Variants in TMEM71 observed in about 807,000 individuals in gnomAD.
TMEM71 encodes the protein transmembrane protein 71.
A neutral mutation model predicts 38.0 loss-of-function variants in TMEM71; 44 were observed. That is an observed-to-expected ratio of 1.16 (90% CI 0.91 to 1.49). TMEM71 has a LOEUF of 1.49. Ranked by LOEUF, TMEM71 falls within the 40% of genes most tolerant of loss-of-function variation. TMEM71 has a pLI of 0.00. For missense variants in TMEM71, 367 were observed against 348.6 expected, an observed-to-expected ratio of 1.05 and a Z score of -0.42; for synonymous variants, 133 against 122.5, an observed-to-expected ratio of 1.09 and a Z score of -0.56.
intron 3 of TMEM71, among the ~76,000 whole-genome samples, chr8:132,752,904 T>C (rs1370450584): frequency 3.3e-5 from 5 of 151,450 alleles, no homozygotes; most frequent in African/African-American, 9.7e-5. Context: ...CATGGCCCTA[T>C]AATTGAAAGG....
the TMEM71 span, among the ~76,000 whole-genome samples, chr8:132,766,972 C>T: frequency 6.6e-6 from 1 of 152,112 alleles, no homozygotes; most frequent in Non-Finnish European, 1.5e-5. Context: ...ACATTCAATA[C>T]CAGAACAGAG....
chr8:132,748,904 T>C (rs957088818), intron 4 of TMEM71, among the ~76,000 whole-genome samples: 1 of 152,198 alleles, frequency 6.6e-6, no homozygotes, highest in Non-Finnish European at 1.5e-5. Flanking sequence ...TTGGGAAAAT[T>C]ACTCAACCTC....
intron 5 of TMEM71, among the ~76,000 whole-genome samples, chr8:132,737,254 G>A (rs1189081173): frequency 6.6e-6 from 1 of 152,134 alleles, no homozygotes; most frequent in African/African-American, 2.4e-5. Flanking sequence ...TTTAAGGAAC[G>A]TGGATTATAT....
chr8:132,745,161 C>A (rs940291202), intron 5 of TMEM71, among the ~76,000 whole-genome samples: 5 of 152,052 alleles, frequency 3.3e-5, no homozygotes, highest in Non-Finnish European at 7.4e-5. Flanking sequence ...GCAACAAAAA[C>A]AAAAATTGAC....
At chr8:132,775,977 A>C in the TMEM71 span, among the ~76,000 whole-genome samples, 4 of 152,026 alleles carry the variant, frequency 2.6e-5, no homozygotes, top group African/African-American at 9.6e-5. Context: ...CCATTGCTTT[A>C]CATTGTCGGT....
At chr8:132,714,841 T>A (rs1826416435) in intron 7 of TMEM71, among the ~76,000 whole-genome samples, 1 of 152,120 alleles carries the variant, frequency 6.6e-6, no homozygotes. Flanking sequence ...CCATAATATA[T>A]AAAGAACTCT....
intron 7 of TMEM71, among the ~76,000 whole-genome samples, chr8:132,719,152 G>A (rs142507483): frequency 2.2e-3 from 337 of 152,244 alleles, no homozygotes; most frequent in African/African-American, 7.9e-3. Flanking sequence ...TATTTCCCGC[G>A]CCCTTTAAGG....
At chr8:132,758,816 G>A (rs763123047) in intron 2 of TMEM71, 24 bp downstream of exon 2, 44 of 1,605,282 alleles carry the variant, frequency 2.7e-5, no homozygotes, top group Non-Finnish European at 3.4e-5. Flanking sequence ...AGATAATTGC[G>A]TATCACAGTT....
At chr8:132,763,284 A>T (rs926685414), upstream of TMEM71, among the ~76,000 whole-genome samples, 21 of 152,234 alleles carry the variant, frequency 1.4e-4, no homozygotes, top group African/African-American at 4.3e-4. Flanking sequence ...GAACATGAGC[A>T]TTAAAAGAGC....
intron 5 of TMEM71, among the ~76,000 whole-genome samples, chr8:132,736,427 G>A (rs1827748746): frequency 6.6e-6 from 1 of 152,102 alleles, no homozygotes; most frequent in Admixed American, 6.5e-5. Flanking sequence ...ATGGGGAGAT[G>A]TTGGTCAAAG....
upstream of TMEM71, chr8:132,760,786 G>C (rs1829277019): frequency 6.6e-6 from 1 of 152,212 alleles, no homozygotes; most frequent in South Asian, 2.1e-4. Context: ...TGTCAGGCCA[G>C]CTGGTTACAC....
rs1165184444 is a variant in TMEM71, at chr8:132,729,169, T to C, written c.488-1183A>G. Among the ~76,000 whole-genome samples the C allele has an allele frequency of 3.9e-5, 6 of 152,308 alleles. No individual in the cohort carries two copies. The South Asian group carries it at 6.2e-4, about 16-fold the overall frequency. ...AACACTTGGTGTCTTCAATGTGAGG[T>C]CACCAAGGAATGAATTTTAATCCTT... On this transcript the variant is annotated intron_variant, in intron 5 of 9. Transcript: ENST00000677595.
intron 5 of TMEM71, 29 bp from the exon 6 acceptor site, chr8:132,728,015 T>A (rs754262934): frequency 2.8e-5 from 3 of 105,758 alleles, no homozygotes; most frequent in South Asian, 3.1e-4. Flanking sequence ...TCAGTGTGAG[T>A]GTGTGTGTGT....
intron 4 of TMEM71, among the ~76,000 whole-genome samples, chr8:132,749,133 A>C (rs1168431507): frequency 6.6e-6 from 1 of 152,220 alleles, no homozygotes; most frequent in African/African-American, 2.4e-5. Context: ...AAATGGAGTA[A>C]GACTTTCCTG....
At chr8:132,719,684 A>T (rs1388440059) in intron 7 of TMEM71, among the ~76,000 whole-genome samples, 1 of 152,232 alleles carries the variant, frequency 6.6e-6, no homozygotes, top group South Asian at 2.1e-4. Context: ...TTTTAATTCA[A>T]ATAAACATTA....
At chr8:132,729,585 T>C (rs1045317924) in intron 5 of TMEM71, among the ~76,000 whole-genome samples, 17 of 152,288 alleles carry the variant, frequency 1.1e-4, no homozygotes, top group African/African-American at 3.9e-4. Context: ...TACTTTTCTT[T>C]ATAGCTGAGC....
chr8:132,749,230 A>G (rs1019981207), intron 4 of TMEM71, among the ~76,000 whole-genome samples: 1 of 152,240 alleles, frequency 6.6e-6, no homozygotes, highest in Non-Finnish European at 1.5e-5. Flanking sequence ...TCCAGGAGGC[A>G]TCAGAATCAA....
intron 5 of TMEM71, among the ~76,000 whole-genome samples, chr8:132,733,216 G>C (rs148006268): frequency 2.6e-5 from 4 of 152,198 alleles, no homozygotes; most frequent in African/African-American, 9.6e-5. Flanking sequence ...AAAAGGCTCC[G>C]TGAGAAAAAG....
downstream of TMEM71, among the ~76,000 whole-genome samples, chr8:132,706,019 T>C (rs1472358939): frequency 6.6e-6 from 1 of 152,116 alleles, no homozygotes; most frequent in African/African-American, 2.4e-5. Flanking sequence ...TGGGGTTTGT[T>C]CTCTTATAAA....
Sources: gnomAD v4.1 joint callset for allele counts (sites outside exome capture counted in the v4.1 genomes callset) on GRCh38, gnomAD v4.1.1 for gene constraint, MANE v1.5 for transcripts, NCBI Gene and HGNC (gene_info 2026-07-23, HGNC 2026-07-21) for gene names.